The following HS6ST3 variants were observed in gnomAD, a reference collection of about 807,000 sequenced individuals.
HS6ST3 encodes heparan sulfate 6-O-sulfotransferase 3.
Under a neutral mutation model 36.7 loss-of-function variants are expected in HS6ST3, and 12 were observed. That is an observed-to-expected ratio of 0.33 (90% CI 0.21 to 0.53). The LOEUF (loss-of-function observed/expected upper bound fraction) is 0.53. Among genes scored for constraint, HS6ST3 ranks in the 20% least tolerant of loss-of-function variants. HS6ST3 has a pLI of 0.95. For missense variants in HS6ST3, 584 were observed against 640.9 expected (o/e 0.91, Z 0.96); for synonymous variants, 240 against 257.5 (o/e 0.93, Z 0.65).
intron 1 of HS6ST3, among the ~76,000 whole-genome samples, chr13:96,787,500 GGT>G (rs1245478388): frequency 6.6e-6 from 1 of 151,874 alleles, no homozygotes; most frequent in African/African-American, 2.4e-5. Flanking sequence ...ATACTATTGT[GGT>G]TTCAATTTGC....
At chr13:96,500,825 T>C (rs2056000708) in intron 1 of HS6ST3, among the ~76,000 whole-genome samples, 1 of 152,218 alleles carries the variant, frequency 6.6e-6, no homozygotes, top group South Asian at 2.1e-4. Flanking sequence ...TCAATTAAAA[T>C]GTAATGCTCT....
At chr13:96,648,726 C>A (rs1163867281) in intron 1 of HS6ST3, among the ~76,000 whole-genome samples, 2 of 152,016 alleles carry the variant, frequency 1.3e-5, no homozygotes, top group African/African-American at 4.8e-5. Context: ...TGTTCAGCTC[C>A]CACTTATGAG....
intron 1 of HS6ST3, among the ~76,000 whole-genome samples, chr13:96,749,728 T>A (rs2138491217): frequency 6.6e-6 from 1 of 152,258 alleles, no homozygotes; most frequent in South Asian, 2.1e-4. Flanking sequence ...CTATGGTCAC[T>A]CATCTGCTGA....
chr13:96,521,957 C>T (rs571030023), intron 1 of HS6ST3, among the ~76,000 whole-genome samples: 13 of 152,126 alleles, frequency 8.5e-5, no homozygotes, highest in East Asian at 7.7e-4. Flanking sequence ...TGTCGATTTT[C>T]GATCTCTCCT....
chr13:96,731,041 T>A (rs1453424050), intron 1 of HS6ST3, among the ~76,000 whole-genome samples: 13 of 152,336 alleles, frequency 8.5e-5, no homozygotes, highest in African/African-American at 3.1e-4. Context: ...ATGGTTAAAT[T>A]AAGTCAGTTA....
chr13:96,124,418 C>T (rs1334198594), intron 1 of HS6ST3, among the ~76,000 whole-genome samples: 2 of 152,068 alleles, frequency 1.3e-5, no homozygotes, highest in African/African-American at 2.4e-5. Context: ...CTTACTGTGA[C>T]ACATCTCCTT....
intron 1 of HS6ST3, among the ~76,000 whole-genome samples, chr13:96,681,297 A>G (rs150223063): frequency 6.6e-6 from 1 of 152,294 alleles, no homozygotes; most frequent in African/African-American, 2.4e-5. Flanking sequence ...TGGGAAATGG[A>G]TGTAGACTGT....
At chr13:96,810,250 C>T (rs374499783) in intron 1 of HS6ST3, among the ~76,000 whole-genome samples, 1 of 152,122 alleles carries the variant, frequency 6.6e-6, no homozygotes, top group Admixed American at 6.5e-5. Flanking sequence ...AACCTTGCTC[C>T]ATTTGTCCTG....
intron 1 of HS6ST3, among the ~76,000 whole-genome samples, chr13:96,715,029 A>G (rs559786837): frequency 4.8e-4 from 73 of 152,236 alleles, no homozygotes; most frequent in African/African-American, 1.7e-3. Context: ...ATGATTATTT[A>G]TAATAGTGAA....
chr13:96,479,180 A>C (rs574187250), intron 1 of HS6ST3, among the ~76,000 whole-genome samples: 1 of 152,316 alleles, frequency 6.6e-6, no homozygotes, highest in East Asian at 1.9e-4. Flanking sequence ...CAGCCTTAAG[A>C]AGTCAGGAAA....
chr13:96,547,580 A>G (rs1312649967), intron 1 of HS6ST3, among the ~76,000 whole-genome samples: 2 of 152,200 alleles, frequency 1.3e-5, no homozygotes, highest in African/African-American at 4.8e-5. Context: ...TTAAAGACTT[A>G]CAAAGAAAGA....
At chr13:96,301,029 C>T (rs1385960995) in intron 1 of HS6ST3, among the ~76,000 whole-genome samples, 1 of 152,174 alleles carries the variant, frequency 6.6e-6, no homozygotes, top group Admixed American at 6.5e-5. Context: ...GAAACAATGT[C>T]TGACTGACAG....
At chr13:96,361,463 A>G (rs2055238260) in intron 1 of HS6ST3, among the ~76,000 whole-genome samples, 1 of 152,220 alleles carries the variant, frequency 6.6e-6, no homozygotes, top group South Asian at 2.1e-4. Flanking sequence ...TCATCTTCTC[A>G]TGTCTCAGTT....
chr13:96,406,418 G>A (rs772847061), intron 1 of HS6ST3, among the ~76,000 whole-genome samples: 3 of 152,110 alleles, frequency 2.0e-5, no homozygotes, highest in Non-Finnish European at 4.4e-5. Flanking sequence ...GTTTGTTTTC[G>A]TGGCTGTGAA....
At chr13:96,231,198 G>C (rs1467163980) in intron 1 of HS6ST3, among the ~76,000 whole-genome samples, 1 of 152,150 alleles carries the variant, frequency 6.6e-6, no homozygotes. Flanking sequence ...TCCTTACTGT[G>C]CCTGTTGATC....
At chr13:96,201,122 A>G (rs2054339969) in intron 1 of HS6ST3, among the ~76,000 whole-genome samples, 1 of 152,172 alleles carries the variant, frequency 6.6e-6, no homozygotes, top group South Asian at 2.1e-4. Context: ...ATGCAGATGC[A>G]CCTGTTTCAC....
At chr13:96,108,371 G>A (rs938388123) in intron 1 of HS6ST3, among the ~76,000 whole-genome samples, 5 of 152,142 alleles carry the variant, frequency 3.3e-5, no homozygotes, top group South Asian at 2.1e-4. Context: ...GTGACGATGC[G>A]TGCACAGTGG....
intron 1 of HS6ST3, among the ~76,000 whole-genome samples, chr13:96,662,754 T>C (rs2056650799): frequency 6.6e-6 from 1 of 152,146 alleles, no homozygotes. Flanking sequence ...GCTATCATTT[T>C]TTAATTTTGA....
At chr13:96,489,658 A>G (rs187497918) in intron 1 of HS6ST3, among the ~76,000 whole-genome samples, 32 of 152,148 alleles carry the variant, frequency 2.1e-4, no homozygotes, top group African/African-American at 7.5e-4. Context: ...TAATATTAAT[A>G]TGGATCATAA....
Sources: allele counts gnomAD v4.1 joint callset (sites outside exome capture counted in the v4.1 genomes callset), GRCh38; gene constraint gnomAD v4.1.1; transcripts MANE v1.5; gene names NCBI Gene and HGNC (gene_info 2026-07-23, HGNC 2026-07-21).